The following CADM2 variants were observed in gnomAD, a reference collection of about 807,000 sequenced individuals.
CADM2 encodes the protein immunoglobulin superfamily member 4D.
In CADM2, 12 loss-of-function variants were observed where a neutral mutation model predicts 49.8. That is an observed-to-expected ratio of 0.24 (90% CI 0.15 to 0.39). The LOEUF (loss-of-function observed/expected upper bound fraction) is 0.39, where lower values mean the gene tolerates loss of function less well. CADM2 is among the 10% of genes least tolerant of loss of function. CADM2 has a pLI of 1.00. For missense variants in CADM2, 378 were observed against 492.3 expected, an observed-to-expected ratio of 0.77 and a Z score of 2.20; for synonymous variants, 214 against 175.4, an observed-to-expected ratio of 1.22 and a Z score of -1.74.
At chr3:85,079,775 A>G (rs374451794) in intron 1 of CADM2, among the ~76,000 whole-genome samples, 1 of 151,910 alleles carries the variant, frequency 6.6e-6, no homozygotes, top group East Asian at 1.9e-4. Flanking sequence ...TAATTAAAAT[A>G]CCTTTAAATT....
intron 7 of CADM2, among the ~76,000 whole-genome samples, chr3:85,955,668 G>C (rs1723966236): frequency 1.3e-5 from 2 of 151,470 alleles, no homozygotes; most frequent in Admixed American, 6.6e-5. Flanking sequence ...AATCAGGTTT[G>C]TATCTGGTTC....
intron 2 of CADM2, among the ~76,000 whole-genome samples, chr3:85,735,627 GA>G (rs1316723331): frequency 1.3e-5 from 2 of 152,124 alleles, no homozygotes; most frequent in African/African-American, 4.8e-5. Context: ...GAATCCAGTG[GA>G]AAATGTGATT....
chr3:85,044,059 G>A (rs1355231882), intron 1 of CADM2, among the ~76,000 whole-genome samples: 1 of 152,066 alleles, frequency 6.6e-6, no homozygotes, highest in Non-Finnish European at 1.5e-5. Context: ...CAGAATCCTT[G>A]TGACCTAAGT....
At chr3:85,728,848 A>G (rs968119017) in intron 2 of CADM2, among the ~76,000 whole-genome samples, 2 of 152,220 alleles carry the variant, frequency 1.3e-5, no homozygotes, top group African/African-American at 2.4e-5. Context: ...TCTTAAAACA[A>G]CAGTTGGTGG....
intron 2 of CADM2, 63 bp from the exon 3 acceptor site, chr3:85,801,984 T>C (rs1182501917): frequency 2.8e-6 from 4 of 1,415,262 alleles, no homozygotes; most frequent in Middle Eastern, 2.3e-4. Flanking sequence ...CCAGTGTAGA[T>C]CTTAGGCAGT....
intron 1 of CADM2, among the ~76,000 whole-genome samples, chr3:85,366,990 A>G (rs1375259701): frequency 2.0e-5 from 3 of 152,012 alleles, no homozygotes; most frequent in Non-Finnish European, 4.4e-5. Context: ...TTTTTCTTGC[A>G]TAGTGTTCTG....
At chr3:85,995,694 G>A (rs961639289) in intron 8 of CADM2, among the ~76,000 whole-genome samples, 10 of 152,020 alleles carry the variant, frequency 6.6e-5, no homozygotes, top group African/African-American at 2.2e-4. Context: ...ATTAGTGATA[G>A]GTATTCTTTT....
chr3:85,911,329 T>G (rs1306685429), intron 5 of CADM2, among the ~76,000 whole-genome samples: 1 of 152,176 alleles, frequency 6.6e-6, no homozygotes. Context: ...TTGCTAAACC[T>G]CTTTTCCACA....
chr3:85,074,263 A>G (rs181381974), intron 1 of CADM2, among the ~76,000 whole-genome samples: 1 of 152,112 alleles, frequency 6.6e-6, no homozygotes, highest in East Asian at 1.9e-4. Flanking sequence ...TATTCGTCCC[A>G]ACTTTGGCAT....
chr3:86,013,952 A>G (rs1731870715), intron 8 of CADM2: 1 of 1,566,252 alleles, frequency 6.4e-7, no homozygotes, highest in East Asian at 2.2e-5. Context: ...TGGCAAAATC[A>G]GTACCTGTTA....
intron 4 of CADM2, among the ~76,000 whole-genome samples, chr3:85,885,787 G>A (rs1461503708): frequency 1.4e-5 from 2 of 145,974 alleles, no homozygotes; most frequent in Non-Finnish European, 3.0e-5. Context: ...GGGAGGCAAA[G>A]GTTGCAGTGA....
intron 1 of CADM2, among the ~76,000 whole-genome samples, chr3:85,093,883 G>A (rs536303978): frequency 1.4e-3 from 209 of 152,176 alleles, no homozygotes; most frequent in African/African-American, 4.9e-3. Context: ...GGGTGGGAAG[G>A]AGTCCATTCC....
At chr3:85,765,755 C>T (rs941085096) in intron 2 of CADM2, among the ~76,000 whole-genome samples, 6 of 152,108 alleles carry the variant, frequency 3.9e-5, no homozygotes, top group East Asian at 1.9e-4. Context: ...ATTGAGTCCA[C>T]CTATCTTGTA....
intron 1 of CADM2, among the ~76,000 whole-genome samples, chr3:85,007,583 TG>T (rs2033795042): frequency 6.6e-6 from 1 of 152,154 alleles, no homozygotes; most frequent in Non-Finnish European, 1.5e-5. Context: ...TCCGAGAGAA[TG>T]CTTTAACAGA....
intron 2 of CADM2, among the ~76,000 whole-genome samples, chr3:85,769,575 A>G (rs902435602): frequency 8.5e-6 from 1 of 117,942 alleles, no homozygotes; most frequent in Non-Finnish European, 1.6e-5. Context: ...ACGTATATAC[A>G]TATATACATA....
chr3:85,189,026 G>A (rs1385222591), intron 1 of CADM2, among the ~76,000 whole-genome samples: 5 of 149,468 alleles, frequency 3.3e-5, no homozygotes, highest in African/African-American at 1.2e-4. Context: ...TTGTGACTCC[G>A]TCTCAAAAAA....
chr3:85,512,973 TAGAGAAGAGGCCAA>T (rs1206415161), intron 1 of CADM2, among the ~76,000 whole-genome samples: 1 of 152,048 alleles, frequency 6.6e-6, no homozygotes, highest in Non-Finnish European at 1.5e-5. Context: ...ATTCACAACT[TAGAGAAGAGGCCAA>T]GTTTAATCAT....
intron 1 of CADM2, among the ~76,000 whole-genome samples, chr3:85,028,773 C>G (rs551494996): frequency 6.6e-6 from 1 of 152,004 alleles, no homozygotes; most frequent in South Asian, 2.1e-4. Context: ...TGAGAAAACT[C>G]AAGAAATCAG....
chr3:85,510,894 AGTAAT>A (rs58760108), intron 1 of CADM2, among the ~76,000 whole-genome samples: 30,031 of 151,876 alleles, frequency 0.2, 3,706 homozygotes, highest in East Asian at 0.3. Flanking sequence ...ATTAAAAATA[AGTAAT>A]GTAATGAGGG....
Sources: gnomAD v4.1 joint callset for allele counts (sites outside exome capture counted in the v4.1 genomes callset) on GRCh38, gnomAD v4.1.1 for gene constraint, MANE v1.5 for transcripts, NCBI Gene and HGNC (gene_info 2026-07-23, HGNC 2026-07-21) for gene names.